SPTA1: variants seen among roughly 807,000 people sequenced by gnomAD.
The protein encoded by SPTA1 is spectrin alpha, erythrocytic 1.
Under a neutral mutation model 324.7 loss-of-function variants are expected in SPTA1, and 177 were observed. The observed-to-expected ratio is 0.55, with a 90% CI of 0.48 to 0.62. SPTA1 has a LOEUF of 0.62. SPTA1 is among the 20% of genes least tolerant of loss of function. The pLI is 0.00. For synonymous variants in SPTA1, 1,195 were observed against 1,041.3 expected (o/e 1.15, Z -2.84); for missense variants, 3,162 against 2,883.6 (o/e 1.10, Z -2.21).
Position 158,648,546 on chromosome 1 carries a change from T to G in SPTA1, c.3677A>C (p.Glu1226Ala). 1 of 1,614,036 alleles carries G rather than the reference T, an allele frequency of 6.2e-7. No individual in the cohort carries two copies. Among genetic ancestry groups the G allele is most frequent in the Non-Finnish European group, 8.5e-7 (1 of 1,179,968 alleles). ...GGGTACGAGGTCCCTTTCAAAGCCC[T>G]CATGCCGTCGCTGAAGAGCCTGAAC... ...FSVQALQRRH[E>A]GFERDLVPLG... The change falls in exon 26 of 52, where the codon GAG becomes GCG. Residue 1226 changes from glutamate to alanine, a missense_variant. Transcript: ENST00000643759.
In SPTA1 at chr1:158,636,758, C is replaced by T. The variant is rs374928535; in HGVS notation, c.5193G>A (p.Glu1731=). The T allele has an allele frequency of 2.5e-5, 40 of 1,614,076 alleles. No homozygotes were observed. Among genetic ancestry groups the T allele is most frequent in the Non-Finnish European group, 3.4e-5 (40 of 1,179,984 alleles). The change falls in exon 37 of 52, where the codon GAG becomes GAA. Residue 1731 remains glutamate (E), a synonymous_variant. Coordinates refer to ENST00000643759, the MANE Select transcript of SPTA1 (RefSeq NM_003126.4). The part of the protein sequence containing the change: ...DLDDEESWIE[E]KLIRVSSQDY... ...CCTGGGAGCTCACTCGTATCAACTTCTCCCTAAAATCAAGGAAGAAAACAG... is the reference window on the plus strand; with the variant it reads ...CCTGGGAGCTCACTCGTATCAACTTTTCCCTAAAATCAAGGAAGAAAACAG...
At chr1:158,669,886 GGGA>G (rs1376766322) in intron 12 of SPTA1, 100 bp from the exon 13 acceptor site, 22 of 1,177,994 alleles carry the variant, frequency 1.9e-5, no homozygotes, top group Non-Finnish European at 2.5e-5. Flanking sequence ...ACAGCAATGT[GGGA>G]GGAGAAGTTT....
chr1:158,645,524 CAG>C lies in SPTA1; in HGVS notation c.3965_3966del (p.Thr1322ArgfsTer15), dbSNP rs772093677. On this transcript the variant is annotated frameshift_variant, in exon 28 of 52. Coordinates refer to ENST00000643759, the MANE Select transcript of SPTA1 (RefSeq NM_003126.4). LOFTEE classifies it high-confidence loss of function. ...VSSQELAEDL[T>X]GIEILLERHQ... is the part of the protein sequence containing the mutation. ...TGTCTCTCCAGCAAGATCTCTATGC[CAG>C]TTAAGTCTTCGGCCAGCTCCTGTGA... 6.2e-7 allele frequency: 1 copy of C among 1,614,000 alleles called. No individual in the cohort carries two copies.
At chr1:158,641,394 G>T (rs1029565688) in intron 33 of SPTA1, among the ~76,000 whole-genome samples, 3 of 152,008 alleles carry the variant, frequency 2.0e-5, no homozygotes, top group Admixed American at 6.6e-5. Context: ...GGGAGAAAAT[G>T]TTTGCAATCC....
Position 158,678,479 on chromosome 1 carries a change from G to A in SPTA1, c.734C>T (p.Ala245Val), listed in dbSNP as rs897204569. 1 of 1,613,716 alleles carries A rather than the reference G, an allele frequency of 6.2e-7. No homozygotes were observed. Residue 245 changes from alanine to valine, a missense_variant, in exon 6 of 52, where the codon GCC (alanine) becomes GTC (valine). Physicochemically the swap from Ala to Val is moderately conservative, Grantham distance 64. Coordinates refer to ENST00000643759, the MANE Select transcript of SPTA1 (RefSeq NM_003126.4). The stretch of plus-strand genomic sequence containing the variant: ...AGCCAAACCACGAAGGCGCTCCCAG[G>A]CAGCATTCACCTCATTTTGCTTAGA... ...IQSKQNEVNA[A>V]WERLRGLALQ...
rs1301687759 is a variant in SPTA1 at position 158,681,607 on chromosome 1, C to A, written c.451G>T (p.Gly151Cys). Residue 151 changes from glycine to cysteine, a missense_variant, in exon 4 of 52, where the codon GGT (glycine) becomes TGT (cysteine). By Grantham distance (159) the Gly-to-Cys change is radical. Transcript: ENST00000643759. ...TTCAGGGCCCGCAGCAACTGGTCAC[C>A]CTTCTCCAGGGTCAGCTCTAACAGC... ...DLLLELTLEKGDQLLRALKFQ... is the reference protein window; with the variant it reads ...DLLLELTLEKCDQLLRALKFQ... The A allele has an allele frequency of 6.2e-7, 1 of 1,613,672 alleles. No individual in the cohort carries two copies. Among genetic ancestry groups the A allele is most frequent in the Non-Finnish European group, 8.5e-7 (1 of 1,179,820 alleles).
intron 47 of SPTA1, 124 bp from the exon 48 acceptor site, chr1:158,615,527 A>G: frequency 1.0e-6 from 1 of 973,446 alleles, no homozygotes. Flanking sequence ...CTGTGAAAAG[A>G]TGAACTACTT....
At chr1:158,677,662 G>A (rs1654479884) in intron 7 of SPTA1, 28 bp downstream of exon 7, 7 of 1,612,248 alleles carry the variant, frequency 4.3e-6, no homozygotes, top group Non-Finnish European at 5.9e-6. Flanking sequence ...AGCTCAACGG[G>A]TTAGCCATTT....
intron 50 of SPTA1, 104 bp from the exon 51 acceptor site, chr1:158,613,065 C>T: frequency 4.7e-6 from 6 of 1,265,576 alleles, no homozygotes; most frequent in Non-Finnish European, 6.7e-6. Flanking sequence ...GCCAGATTCT[C>T]CAAGTGCCTC....
At chr1:158,676,690 T>C (rs371442641) in intron 7 of SPTA1, among the ~76,000 whole-genome samples, 52 of 152,220 alleles carry the variant, frequency 3.4e-4, no homozygotes, top group African/African-American at 1.1e-3. Context: ...AACATTTCCC[T>C]AAATATTACT....
At chr1:158,614,991 A>G in intron 48 of SPTA1, 3 of 537,314 alleles carry the variant, frequency 5.6e-6, no homozygotes, top group Non-Finnish European at 9.9e-6. Flanking sequence ...TTGTTGTCCA[A>G]GTGGGTGATG....
At chr1:158,626,587 G>C (rs1356294320) in intron 41 of SPTA1, among the ~76,000 whole-genome samples, 1 of 152,068 alleles carries the variant, frequency 6.6e-6, no homozygotes, top group Non-Finnish European at 1.5e-5. Flanking sequence ...CTCCAAAAAT[G>C]TGTTCTCTGG....
chr1:158,678,646 AC>A, intron 5 of SPTA1, 112 bp from the exon 6 acceptor site: 1 of 1,318,524 alleles, frequency 7.6e-7, no homozygotes, highest in Non-Finnish European at 1.1e-6. Context: ...GTGAAAACTG[AC>A]CATTGTAGCC....
intron 25 of SPTA1, 91 bp downstream of exon 25, chr1:158,649,765 G>T (rs968821377): frequency 3.7e-6 from 4 of 1,086,376 alleles, no homozygotes; most frequent in Admixed American, 1.9e-5. Flanking sequence ...CACGAAAAAA[G>T]ATTATACTAT....
At chr1:158,668,993 G>T (rs1486368720) in intron 14 of SPTA1, among the ~76,000 whole-genome samples, 1 of 152,024 alleles carries the variant, frequency 6.6e-6, no homozygotes, top group East Asian at 1.9e-4. Context: ...CAAATATTTA[G>T]GTTACTTTTG....
rs772872696 is a variant in SPTA1 at position 158,662,843 on chromosome 1, A to G, written c.2323T>C (p.Phe775Leu). ...RARQESLVCR[F>L]EALKEPLATR... Reference sequence around the variant, plus strand: ...GCCAGTGGCTCTTTCAGAGCTTCAAATCGGCATACCAAGGACTCTTGCCTT... The same window carrying G: ...GCCAGTGGCTCTTTCAGAGCTTCAAGTCGGCATACCAAGGACTCTTGCCTT... The change falls in exon 17 of 52, where the codon TTT (phenylalanine) becomes CTT (leucine). Residue 775 changes from phenylalanine (F) to leucine (L), a missense_variant. By Grantham distance (22) the Phe-to-Leu change is conservative. Transcript: ENST00000643759. 1.4e-5 allele frequency: 22 copies of G among 1,614,134 alleles called. No homozygotes were observed. The highest frequency in any genetic ancestry group is 1.8e-5 in the Non-Finnish European group (21 of 1,179,996).
At position 158,651,360 on chromosome 1, in the gene SPTA1, TA is replaced by T; in HGVS notation, c.3477+6del. ...TAGTGAGGAGGAATGGAGGGAGCCTTAGTTACCTGCCGGATTTGAGCTCCTT... is the reference window on the plus strand; with the variant it reads ...TAGTGAGGAGGAATGGAGGGAGCCTTGTTACCTGCCGGATTTGAGCTCCTT... On this transcript the variant is annotated splice_donor_region_variant and intron_variant, in intron 24 of 51. Transcript: ENST00000643759. 6.2e-7 allele frequency: 1 copy of T among 1,604,284 alleles called. No homozygotes were observed. The highest frequency in any genetic ancestry group is 8.5e-7 in the Non-Finnish European group (1 of 1,171,084).
intron 42 of SPTA1, 33 bp from the exon 43 acceptor site, chr1:158,623,225 G>T: frequency 2.5e-6 from 4 of 1,588,052 alleles, no homozygotes; most frequent in Non-Finnish European, 3.5e-6. Flanking sequence ...CCGTGAACAA[G>T]AAAATGGTGC....
chr1:158,635,205 C>T (rs1228345107), intron 38 of SPTA1, among the ~76,000 whole-genome samples: 1 of 152,058 alleles, frequency 6.6e-6, no homozygotes, highest in Non-Finnish European at 1.5e-5. Flanking sequence ...AGGGGAGGGG[C>T]CTGGTGGGAG....
Sources: allele counts gnomAD v4.1 joint callset (sites outside exome capture counted in the v4.1 genomes callset), GRCh38; gene constraint gnomAD v4.1.1; transcripts MANE v1.5; gene names NCBI Gene and HGNC (gene_info 2026-07-23, HGNC 2026-07-21).